PGPEP1: variants seen among roughly 807,000 people sequenced by gnomAD.
PGPEP1 encodes the protein pyroglutamyl-peptidase I.
PGPEP1 carries 15 observed loss-of-function variants against 24.1 expected under a neutral mutation model. That is an observed-to-expected ratio of 0.62 (90% CI 0.42 to 0.96). The LOEUF is 0.96. Among genes scored for constraint, PGPEP1 ranks in the 40% least tolerant of loss-of-function variants. The pLI is 0.00. For synonymous variants in PGPEP1, 122 were observed against 116.4 expected, an observed-to-expected ratio of 1.05 and a Z score of -0.31; for missense variants, 242 against 273.4, an observed-to-expected ratio of 0.89 and a Z score of 0.81.
At chr19:18,346,633 C>CTTTTTTTTTTTT (rs775309565) in intron 2 of PGPEP1, among the ~76,000 whole-genome samples, 4 of 79,534 alleles carry the variant, frequency 5.0e-5, no homozygotes, top group Non-Finnish European at 6.7e-5. Flanking sequence ...CTGTTTCTCT[C>CTTTTTTTTTTTT]TTTTTTTTTT....
At chr19:18,343,883 C>T (rs1568308059) in intron 2 of PGPEP1, among the ~76,000 whole-genome samples, 2 of 151,832 alleles carry the variant, frequency 1.3e-5, no homozygotes, top group Non-Finnish European at 2.9e-5. Context: ...GGGGTTTCAC[C>T]ATGATGGCCA....
intron 2 of PGPEP1, among the ~76,000 whole-genome samples, chr19:18,346,742 G>A (rs1970859220): frequency 1.4e-5 from 2 of 143,484 alleles, no homozygotes; most frequent in South Asian, 2.3e-4. Flanking sequence ...CCAGGTTCAA[G>A]CAATTCTCCT....
chr19:18,342,986 T>C, intron 2 of PGPEP1, 75 bp downstream of exon 2: 4 of 1,112,556 alleles, frequency 3.6e-6, no homozygotes, highest in Admixed American at 2.1e-5. Flanking sequence ...TCCAAGAAGG[T>C]CCCCTTTTAA....
At chr19:18,351,157 C>T (rs760088336) in intron 2 of PGPEP1, among the ~76,000 whole-genome samples, 3 of 150,828 alleles carry the variant, frequency 2.0e-5, no homozygotes, top group East Asian at 2.0e-4. Context: ...CCCAGCTACT[C>T]GGGAGGCTGA....
At position 18,342,903 on chromosome 19, in the gene PGPEP1, G is replaced by A; in HGVS notation, c.79G>A (p.Ala27Thr). 1 of 1,613,062 alleles carries A rather than the reference G, an allele frequency of 6.2e-7. No individual in the cohort carries two copies. Among genetic ancestry groups the A allele is most frequent in the Non-Finnish European group, 8.5e-7 (1 of 1,179,052 alleles). ...GEHTVNASWI[A>T]VQELEKLGLG... ...ACACACCGTGAACGCCAGTTGGATT[G>A]CAGTTCAGGTAACTTAGATCCGGAG... The change falls in exon 2 of 5, where the codon GCA becomes ACA. Residue 27 changes from alanine (A) to threonine (T), a missense_variant. By Grantham distance (58) the Ala-to-Thr change is moderately conservative (BLOSUM62 0). Coordinates refer to ENST00000269919, the MANE Select transcript of PGPEP1 (RefSeq NM_017712.4).
At chr19:18,357,763 C>A in intron 4 of PGPEP1, 148 bp downstream of exon 4, 1 of 639,630 alleles carries the variant, frequency 1.6e-6, no homozygotes, top group Non-Finnish European at 2.8e-6. Flanking sequence ...TTGTACGTAG[C>A]AGGTGCCGTT....
At chr19:18,353,426 T>TC (rs1223692575) in intron 2 of PGPEP1, among the ~76,000 whole-genome samples, 1 of 152,032 alleles carries the variant, frequency 6.6e-6, no homozygotes, top group Admixed American at 6.6e-5. Flanking sequence ...GCCAGGCTGG[T>TC]CTTCAACTCC....
intron 3 of PGPEP1, among the ~76,000 whole-genome samples, chr19:18,356,365 C>T (rs899494404): frequency 2.6e-5 from 4 of 151,774 alleles, no homozygotes; most frequent in South Asian, 4.2e-4. Flanking sequence ...ACCCGGGAGG[C>T]GGAGGTTGCG....
intron 2 of PGPEP1, among the ~76,000 whole-genome samples, chr19:18,352,561 T>G (rs931762277): frequency 1.8e-4 from 26 of 146,088 alleles, no homozygotes; most frequent in Admixed American, 6.9e-4. Context: ...TATAATTGTC[T>G]TTTTTTTTTT....
intron 2 of PGPEP1, among the ~76,000 whole-genome samples, chr19:18,345,162 C>A (rs1353892032): frequency 2.0e-5 from 3 of 151,884 alleles, no homozygotes; most frequent in African/African-American, 4.8e-5. Flanking sequence ...CCACCAGGCC[C>A]GGCTAATTTT....
chr19:18,340,834 A>G (rs1970651452), intron 1 of PGPEP1, 119 bp downstream of exon 1: 2 of 746,958 alleles, frequency 2.7e-6, no homozygotes, highest in Admixed American at 4.3e-5. Flanking sequence ...GGAAGGTGTC[A>G]TCACCCGCGG....
chr19:18,367,800 T>G lies in PGPEP1; in HGVS notation c.*4217T>G, dbSNP rs1971597544. ...ACAGCTTCCCCATCAGAGCCAGATG[T>G]GTGAAGGAAATGTCCCAGATGGCAG... On this transcript the variant is annotated 3_prime_UTR_variant, in exon 5 of 5. Transcript: ENST00000269919. 6.6e-6 allele frequency: 1 copy of G among 151,762 alleles called. No individual in the cohort carries two copies. Among genetic ancestry groups the G allele is most frequent in the Non-Finnish European group, 1.5e-5 (1 of 68,052 alleles). 9.4% of individuals were successfully genotyped at this position (151,762 alleles called of 1,614,324 possible). A position where few individuals can be genotyped will look rare whatever the true frequency, so the allele number is the denominator to read the frequency against.
rs1970717884 is a variant in PGPEP1, at chr19:18,342,979, A to T, written c.87+68A>T. 30 of 1,190,904 alleles carry T rather than the reference A, an allele frequency of 2.5e-5. 1 individual carries two copies. The South Asian group carries it at 3.8e-4, about 15-fold the overall frequency. The allele number at this position is 1,190,904 out of a possible 1,614,324, so 73.8% of individuals were successfully genotyped here. On this transcript the variant is annotated intron_variant, in intron 2 of 4. Coordinates refer to ENST00000269919, the MANE Select transcript of PGPEP1 (RefSeq NM_017712.4). The stretch of plus-strand genomic sequence containing the variant: ...CACACCCCAGAAAGTTATGGCATCC[A>T]AGAAGGTCCCCTTTTAACAAAAACT...
intron 2 of PGPEP1, among the ~76,000 whole-genome samples, chr19:18,353,250 C>G (rs1266120739): frequency 3.4e-5 from 5 of 149,142 alleles, no homozygotes; most frequent in Non-Finnish European, 7.4e-5. Context: ...CAAGGCCTTG[C>G]CCCGTTGCCC....
In PGPEP1 at chr19:18,363,445, A is replaced by C; in HGVS notation, c.492A>C (p.Ser164=). 6.2e-7 allele frequency: 1 copy of C among 1,614,044 alleles called. No homozygotes were observed. The highest frequency in any genetic ancestry group is 1.1e-5 in the South Asian group (1 of 91,084). ...CTTTGTACCAGAGTCACGGTCGATC[A>C]GCCTTCGTCCACGTGCCCCCACTGG... ...YTSLYQSHGR[S]AFVHVPPLGK... The change falls in exon 5 of 5, where the codon TCA becomes TCC. Residue 164 remains serine, a synonymous_variant. Transcript: ENST00000269919.
intron 2 of PGPEP1, among the ~76,000 whole-genome samples, chr19:18,344,211 G>A (rs1310790418): frequency 1.3e-5 from 2 of 152,054 alleles, no homozygotes; most frequent in Non-Finnish European, 2.9e-5. Flanking sequence ...GCAGCTGGGG[G>A]AGGAAAAGAT....
intron 4 of PGPEP1, among the ~76,000 whole-genome samples, chr19:18,359,079 G>A (rs1223017942): frequency 6.6e-6 from 1 of 151,978 alleles, no homozygotes; most frequent in East Asian, 1.9e-4. Context: ...CTTGAGCCCA[G>A]GAGTTCAAGA....
At position 18,357,449 on chromosome 19, in the gene PGPEP1, A is replaced by G. The variant is rs1186439349; in HGVS notation, c.271A>G (p.Lys91Glu). 2 of 1,614,076 alleles carry G rather than the reference A, an allele frequency of 1.2e-6. No individual in the cohort carries two copies. Among genetic ancestry groups the G allele is most frequent in the South Asian group, 1.1e-5 (1 of 91,058 alleles). The stretch of plus-strand genomic sequence containing the variant: ...CACACTGGAGAAATGTGGACACAAC[A>G]AGGGCTACAAGGGGCTGGACAACTG... ...TVTLEKCGHN[K>E]GYKGLDNCRF... is the part of the protein sequence containing the mutation. The change falls in exon 4 of 5, where the codon AAG (lysine) becomes GAG (glutamate). Residue 91 changes from lysine (K) to glutamate (E), a missense_variant. By Grantham distance (56) the Lys-to-Glu change is moderately conservative. Coordinates refer to ENST00000269919, the MANE Select transcript of PGPEP1 (RefSeq NM_017712.4).
intron 2 of PGPEP1, among the ~76,000 whole-genome samples, chr19:18,353,309 C>G (rs1971090947): frequency 6.6e-6 from 1 of 151,920 alleles, no homozygotes; most frequent in Admixed American, 6.6e-5. Flanking sequence ...GCAGCCTCCC[C>G]CTCCCTGGCT....
Sources: allele counts gnomAD v4.1 joint callset (sites outside exome capture counted in the v4.1 genomes callset), GRCh38; gene constraint gnomAD v4.1.1; transcripts MANE v1.5; gene names NCBI Gene and HGNC (gene_info 2026-07-23, HGNC 2026-07-21).